Variants in CAMTA1 observed in about 807,000 individuals in gnomAD.
The protein encoded by CAMTA1 is calmodulin-binding transcription activator 1.
CAMTA1 carries 27 observed loss-of-function variants against 170.9 expected under a neutral mutation model. The ratio of observed to expected loss-of-function variants is 0.16; its 90% CI spans 0.12 to 0.22. The LOEUF is 0.22. Ranked by LOEUF, CAMTA1 falls within the 10% of genes least tolerant of loss-of-function variation. The pLI is 1.00. For synonymous variants in CAMTA1, 833 were observed against 891.5 expected (o/e 0.93, Z 1.17); for missense variants, 1,619 against 2,217.2 (o/e 0.73, Z 5.42).
At chr1:7,489,275 G>T (rs567043092) in intron 6 of CAMTA1, among the ~76,000 whole-genome samples, 1 of 152,174 alleles carries the variant, frequency 6.6e-6, no homozygotes, top group Non-Finnish European at 1.5e-5. Flanking sequence ...ACCTAGATAA[G>T]GCCCTCTATA....
At chr1:7,615,837 C>T (rs905783832) in intron 6 of CAMTA1, among the ~76,000 whole-genome samples, 1 of 152,196 alleles carries the variant, frequency 6.6e-6, no homozygotes, top group Non-Finnish European at 1.5e-5. Context: ...CATGGAGTGA[C>T]CTTAAGCCAG....
Position 7,732,668 on chromosome 1 carries a change from G to T in CAMTA1, c.3066+69G>T. The T allele has an allele frequency of 6.7e-7, 1 of 1,491,230 alleles. No homozygotes were observed. Among genetic ancestry groups the T allele is most frequent in the Admixed American group, 2.3e-5 (1 of 44,136 alleles). 92.4% of individuals were successfully genotyped at this position (1,491,230 alleles called of 1,614,324 possible). On this transcript the variant is annotated intron_variant, in intron 12 of 22. Transcript: ENST00000303635. This position sits in a 1 kb window ranked among gnomAD's most constrained non-coding sequence, Gnocchi z 4.1. ...TTATGGATTGGCGAGGCAGTGGATGGATCACAGGCCTCTTCTCTGCTGCTG... is the reference window on the plus strand; with the variant it reads ...TTATGGATTGGCGAGGCAGTGGATGTATCACAGGCCTCTTCTCTGCTGCTG...
chr1:7,260,112 T>TA (rs1667956778), intron 5 of CAMTA1, among the ~76,000 whole-genome samples: 1 of 152,142 alleles, frequency 6.6e-6, no homozygotes, highest in South Asian at 2.1e-4. Flanking sequence ...CCATAGGCAA[T>TA]AGTCAAGGAA....
chr1:6,941,413 G>T (rs1686595613), intron 3 of CAMTA1, among the ~76,000 whole-genome samples: 1 of 152,166 alleles, frequency 6.6e-6, no homozygotes, highest in African/African-American at 2.4e-5. Flanking sequence ...AGGCACTGGG[G>T]TGTTCATTGA....
At chr1:7,073,445 G>T (rs1420061277) in intron 3 of CAMTA1, among the ~76,000 whole-genome samples, 1 of 152,130 alleles carries the variant, frequency 6.6e-6, no homozygotes, top group Non-Finnish European at 1.5e-5. Flanking sequence ...TCTGAGTCTG[G>T]GTGAGATGAC....
chr1:7,174,497 C>T (rs535618962), intron 4 of CAMTA1, among the ~76,000 whole-genome samples: 4 of 152,140 alleles, frequency 2.6e-5, no homozygotes, highest in South Asian at 2.1e-4. Context: ...AAGAGGTAAC[C>T]GAAACAGCTC....
At chr1:6,972,276 A>G (rs1692680020) in intron 3 of CAMTA1, among the ~76,000 whole-genome samples, 1 of 152,210 alleles carries the variant, frequency 6.6e-6, no homozygotes, top group Non-Finnish European at 1.5e-5. Flanking sequence ...AGTAACTGAA[A>G]GTCCCGTGTG....
chr1:7,539,530 G>A (rs1262581964), intron 6 of CAMTA1, among the ~76,000 whole-genome samples: 1 of 152,256 alleles, frequency 6.6e-6, no homozygotes, highest in Admixed American at 6.5e-5. Flanking sequence ...AACCATTCCA[G>A]GGGATATATC....
chr1:7,352,587 G>A (rs1025901240), intron 5 of CAMTA1, among the ~76,000 whole-genome samples: 4 of 152,258 alleles, frequency 2.6e-5, no homozygotes, highest in African/African-American at 9.6e-5. Context: ...TCCACCCATG[G>A]GCCCCTTTCC....
intron 6 of CAMTA1, among the ~76,000 whole-genome samples, chr1:7,548,606 ATG>A (rs2094741024): frequency 9.9e-6 from 1 of 100,708 alleles, no homozygotes; most frequent in Non-Finnish European, 2.0e-5. Flanking sequence ...AGGGGTGGAG[ATG>A]CCCATGGAAG....
intron 5 of CAMTA1, among the ~76,000 whole-genome samples, chr1:7,352,744 G>A (rs1032879339): frequency 1.3e-5 from 2 of 152,204 alleles, no homozygotes; most frequent in South Asian, 4.1e-4. Context: ...TCAGGTTGGG[G>A]TTTAATTTGG....
intron 5 of CAMTA1, among the ~76,000 whole-genome samples, chr1:7,327,894 A>G (rs1284186786): frequency 6.6e-6 from 1 of 151,864 alleles, no homozygotes; most frequent in African/African-American, 2.4e-5. Flanking sequence ...TTTTATTCTC[A>G]TTATTTCAAG....
intron 11 of CAMTA1, among the ~76,000 whole-genome samples, chr1:7,702,490 G>A (rs4908683): frequency 0.4 from 61,142 of 151,910 alleles, 13,217 homozygotes; most frequent in Middle Eastern, 0.55. Flanking sequence ...AGAGGCAGGC[G>A]CTGTCTCTCC....
chr1:7,745,911 C>T lies in CAMTA1; in HGVS notation c.4437C>T (p.Val1479=). The T allele has an allele frequency of 3.7e-6, 6 of 1,614,244 alleles. No individual in the cohort carries two copies. Among genetic ancestry groups the T allele is most frequent in the Non-Finnish European group, 5.1e-6 (6 of 1,180,042 alleles). ...NTSLSPVGSP[V]SEIAFEKPNL... Reference sequence around the variant, plus strand: ...GCTTGAGCCCTGTTGGCTCTCCCGTCAGTGAAATCGCTTTCGAGAAACCTA... The same window carrying T: ...GCTTGAGCCCTGTTGGCTCTCCCGTTAGTGAAATCGCTTTCGAGAAACCTA... The change falls in exon 18 of 23, where the codon GTC becomes GTT. Residue 1479 remains valine, a synonymous_variant. Coordinates refer to ENST00000303635, the MANE Select transcript of CAMTA1 (RefSeq NM_015215.4).
chr1:6,982,391 A>C (rs1277198722), intron 3 of CAMTA1, among the ~76,000 whole-genome samples: 3 of 152,198 alleles, frequency 2.0e-5, no homozygotes, highest in African/African-American at 7.2e-5. Context: ...GGCCACAGGC[A>C]ATTGGGAATC....
intron 11 of CAMTA1, among the ~76,000 whole-genome samples, chr1:7,704,995 GACAC>G (rs2096494978): frequency 1.4e-5 from 2 of 144,282 alleles, no homozygotes; most frequent in South Asian, 2.1e-4. Context: ...GGGGCGTGGG[GACAC>G]GCGTGCTCGC....
intron 5 of CAMTA1, among the ~76,000 whole-genome samples, chr1:7,271,149 G>T (rs771183901): frequency 6.6e-6 from 1 of 152,088 alleles, no homozygotes; most frequent in African/African-American, 2.4e-5. Context: ...GAGGTCATAG[G>T]GATGTACCCT....
chr1:7,249,770 T>A lies in CAMTA1; in HGVS notation c.438+144T>A. On this transcript the variant is annotated intron_variant, in intron 5 of 22. Coordinates refer to ENST00000303635, the MANE Select transcript of CAMTA1 (RefSeq NM_015215.4). The surrounding 1 kb of genome is among the most constrained non-coding windows in gnomAD (Gnocchi z 4.4). ...CAAGACCCTGGTTTTTGCTTTTGTT[T>A]CGTTTTTCTACCTTCTTACCCTATA... is the stretch of plus-strand genomic sequence containing the variant. 1 of 964,554 alleles carries A rather than the reference T, an allele frequency of 1.0e-6. No individual in the cohort carries two copies. Among genetic ancestry groups the A allele is most frequent in the South Asian group, 1.9e-5 (1 of 53,620 alleles). 59.7% of individuals were successfully genotyped at this position (964,554 alleles called of 1,614,324 possible). A position where few individuals can be genotyped will look rare whatever the true frequency, so the allele number is the denominator to read the frequency against.
At chr1:7,118,781 G>A (rs1644483604) in intron 4 of CAMTA1, among the ~76,000 whole-genome samples, 1 of 152,192 alleles carries the variant, frequency 6.6e-6, no homozygotes, top group African/African-American at 2.4e-5. Flanking sequence ...GGTGGCACCA[G>A]AACCATTTGT....
Sources: gnomAD v4.1 joint callset for allele counts (sites outside exome capture counted in the v4.1 genomes callset) on GRCh38, gnomAD v4.1.1 for gene constraint, Gnocchi (gnomAD v3.1) non-coding constraint, MANE v1.5 for transcripts, NCBI Gene and HGNC (gene_info 2026-07-23, HGNC 2026-07-21) for gene names.